Variants in PIBF1 observed in about 807,000 individuals in gnomAD.
PIBF1 encodes the protein progesterone immunomodulatory binding factor 1.
In PIBF1, 90 loss-of-function variants were observed where a neutral mutation model predicts 112.5. That is an observed-to-expected ratio of 0.80 (90% CI 0.67 to 0.95). The LOEUF (loss-of-function observed/expected upper bound fraction) is 0.95. PIBF1 is among the 40% of genes least tolerant of loss of function. The pLI, the probability that PIBF1 is intolerant of heterozygous loss-of-function variation, is 0.00. For synonymous variants in PIBF1, 301 were observed against 288.6 expected (o/e 1.04, Z -0.44); for missense variants, 915 against 852.3 (o/e 1.07, Z -0.92).
chr13:72,899,789 C>A (rs988223205), intron 11 of PIBF1, among the ~76,000 whole-genome samples: 5 of 152,084 alleles, frequency 3.3e-5, no homozygotes, highest in African/African-American at 1.2e-4. Flanking sequence ...AAAGGGCATC[C>A]AAATCAGTAA....
At chr13:72,846,191 C>T (rs760494351) in intron 9 of PIBF1, among the ~76,000 whole-genome samples, 5 of 152,042 alleles carry the variant, frequency 3.3e-5, no homozygotes, top group Non-Finnish European at 7.4e-5. Context: ...TCCATTCTAC[C>T]TCCCAATTCT....
chr13:72,876,866 TAC>T (rs754548237), intron 10 of PIBF1, among the ~76,000 whole-genome samples: 2 of 152,208 alleles, frequency 1.3e-5, no homozygotes, highest in African/African-American at 2.4e-5. Flanking sequence ...ATCATCTGCA[TAC>T]ACAGTTTTAT....
intron 13 of PIBF1, among the ~76,000 whole-genome samples, chr13:72,929,406 C>G (rs558530297): frequency 6.6e-6 from 1 of 151,998 alleles, no homozygotes; most frequent in South Asian, 2.1e-4. Context: ...ACTGTAAACT[C>G]CTTAAAAATT....
chr13:72,808,680 T>A (rs1238615466), intron 5 of PIBF1, among the ~76,000 whole-genome samples: 1 of 152,166 alleles, frequency 6.6e-6, no homozygotes, highest in Non-Finnish European at 1.5e-5. Context: ...AAGCAGAAAT[T>A]ACCCAGAGAA....
intron 14 of PIBF1, among the ~76,000 whole-genome samples, chr13:72,948,786 A>G (rs1425756354): frequency 6.6e-6 from 1 of 152,238 alleles, no homozygotes; most frequent in African/African-American, 2.4e-5. Flanking sequence ...ACATGGCGGC[A>G]GCAAGGAGAA....
chr13:72,987,783 A>G, intron 16 of PIBF1, among the ~76,000 whole-genome samples: 1 of 146,154 alleles, frequency 6.8e-6, no homozygotes, highest in East Asian at 2.0e-4. Flanking sequence ...AAGTGCTGGG[A>G]TTATAAGCAT....
intron 8 of PIBF1, among the ~76,000 whole-genome samples, chr13:72,831,058 G>A (rs527669706): frequency 3.5e-4 from 54 of 152,238 alleles, no homozygotes; most frequent in African/African-American, 1.3e-3. Context: ...TTGCATAGAG[G>A]TGTTTATAGT....
chr13:72,827,098 C>T lies in PIBF1; in HGVS notation c.895C>T (p.Arg299Ter), dbSNP rs765497315. 4.4e-6 allele frequency: 7 copies of T among 1,583,704 alleles called. No homozygotes were observed. The highest frequency in any genetic ancestry group is 1.7e-5 in the Admixed American group (1 of 57,880). The stretch of plus-strand genomic sequence containing the variant: ...CTCTCACATGATTCAAACAAAAGAA[C>T]GAAGTGAATTATCAAAAGAGGTAAG... Reference protein sequence around the residue: ...EASHMIQTKERSELSKEVVTL... With the variant: ...EASHMIQTKE The change falls in exon 7 of 18, where the codon CGA becomes TGA. Residue 299 changes from arginine to a stop codon, truncating the protein, a stop_gained. Transcript: ENST00000326291. LOFTEE classifies it high-confidence loss of function.
chr13:72,807,789 T>G (rs1020156937), intron 5 of PIBF1, among the ~76,000 whole-genome samples: 17 of 152,220 alleles, frequency 1.1e-4, no homozygotes, highest in African/African-American at 4.1e-4. Context: ...TGTTCAAAAT[T>G]GATCACCTGC....
intron 17 of PIBF1, among the ~76,000 whole-genome samples, chr13:73,011,777 G>A (rs1164946658): frequency 1.3e-5 from 2 of 152,116 alleles, no homozygotes; most frequent in Non-Finnish European, 2.9e-5. Context: ...AGTACAGTAT[G>A]TCCAGTTATC....
At chr13:72,898,398 A>G (rs1362104908) in intron 11 of PIBF1, among the ~76,000 whole-genome samples, 2 of 152,068 alleles carry the variant, frequency 1.3e-5, no homozygotes, top group Non-Finnish European at 2.9e-5. Context: ...GTCACACCTC[A>G]AGGAACTAGA....
intron 14 of PIBF1, among the ~76,000 whole-genome samples, chr13:72,934,977 G>C (rs1472733731): frequency 6.6e-6 from 1 of 151,828 alleles, no homozygotes; most frequent in Non-Finnish European, 1.5e-5. Context: ...TTGTTTGTCT[G>C]TCTGTTTGTT....
chr13:72,905,900 C>T (rs954855573), intron 11 of PIBF1, among the ~76,000 whole-genome samples: 4 of 152,164 alleles, frequency 2.6e-5, no homozygotes, highest in Non-Finnish European at 5.9e-5. Context: ...GAGGGCATTT[C>T]TTAACGTTGT....
At chr13:72,809,589 G>GTTTTTTTT (rs34696804) in intron 5 of PIBF1, among the ~76,000 whole-genome samples, 2 of 100,912 alleles carry the variant, frequency 2.0e-5, no homozygotes. Context: ...TTTTTTTTTG[G>GTTTTTTTT]TTTTTTTTTT....
chr13:72,881,485 A>T (rs2039631980), intron 10 of PIBF1, among the ~76,000 whole-genome samples: 1 of 152,224 alleles, frequency 6.6e-6, no homozygotes, highest in Non-Finnish European at 1.5e-5. Context: ...TGGGAGGCCA[A>T]GGCGGGTGGA....
Position 73,002,990 on chromosome 13 carries a change from A to AAAAAG in PIBF1, c.2223+3999_2223+4000insGAAAA, listed in dbSNP as rs1411080200. ...ACAGCAAGACTCTGGTCTCAAAAAA[A>AAAAAG]AAAAAAAAAAAAAAAAAGCCTTAGG... On this transcript the variant is annotated intron_variant, in intron 17 of 17. Transcript: ENST00000326291. Among the ~76,000 whole-genome samples the AAAAAG allele has an allele frequency of 1.0e-3, 154 of 147,836 alleles. 1 individual carries two copies. The highest frequency in any genetic ancestry group is 3.6e-3 in the African/African-American group (149 of 40,946).
rs1157982684 is a variant in PIBF1, at chr13:72,783,715, T to C, written c.246T>C (p.Leu82=). 1.9e-6 allele frequency: 3 copies of C among 1,613,618 alleles called. No homozygotes were observed. The highest frequency in any genetic ancestry group is 2.2e-5 in the South Asian group (2 of 91,062). The change falls in exon 2 of 18, where the codon CTT becomes CTC. Residue 82 remains leucine, a synonymous_variant. Coordinates refer to ENST00000326291, the MANE Select transcript of PIBF1 (RefSeq NM_006346.4). ...MMIDNLKVDY[L]TKIEELEEKL... is the part of the protein sequence containing the mutation. ...TCGACAATTTGAAAGTGGATTATCT[T>C]ACAAAGGTAAGATCAGGTTTAAATT...
In PIBF1 at chr13:72,919,080, C is replaced by T. The variant is rs1353314639; in HGVS notation, c.1730+1914C>T. Among the ~76,000 whole-genome samples, 8 of 152,258 alleles carry T rather than the reference C, an allele frequency of 5.3e-5. 1 individual carries two copies. The South Asian group carries it at 1.7e-3, about 32-fold the overall frequency. ...AGGATACCTAGTAAAATTGTTTCTT[C>T]ATCAGAGCGTTTGAGAATTCAGAGT... On this transcript the variant is annotated intron_variant, in intron 13 of 17. Coordinates refer to ENST00000326291, the MANE Select transcript of PIBF1 (RefSeq NM_006346.4).
rs765334961 is a variant in PIBF1, at chr13:72,792,479, A to G, written c.285A>G (p.Ala95=). 4.4e-6 allele frequency: 7 copies of G among 1,577,162 alleles called. No homozygotes were observed. The highest frequency in any genetic ancestry group is 5.1e-6 in the Non-Finnish European group (6 of 1,165,068). ...IEELEEKLND[A]LHQKQLLTLR... ...AATTGGAGGAGAAACTTAATGATGC[A>G]CTTCACCAGAAGCAGCTACTAACAT... The change falls in exon 3 of 18, where the codon GCA becomes GCG. Residue 95 remains alanine, a synonymous_variant. Transcript: ENST00000326291.
Sources: allele counts gnomAD v4.1 joint callset (sites outside exome capture counted in the v4.1 genomes callset), GRCh38; gene constraint gnomAD v4.1.1; transcripts MANE v1.5; gene names NCBI Gene and HGNC (gene_info 2026-07-23, HGNC 2026-07-21).